PTPRG: variants seen among roughly 807,000 people sequenced by gnomAD.
PTPRG encodes the protein protein tyrosine phosphatase receptor type G.
Under a neutral mutation model 165.3 loss-of-function variants are expected in PTPRG, and 102 were observed. The ratio of observed to expected loss-of-function variants is 0.62; its 90% CI spans 0.53 to 0.73. The LOEUF (loss-of-function observed/expected upper bound fraction) is 0.73, where lower values mean the gene tolerates loss of function less well. Ranked by LOEUF, PTPRG falls within the 30% of genes least tolerant of loss-of-function variation. The pLI, the probability that PTPRG is intolerant of heterozygous loss-of-function variation, is 0.00. For synonymous variants in PTPRG, 675 were observed against 669.5 expected (o/e 1.01, Z -0.13); for missense variants, 1,866 against 1,861.4 (o/e 1.00, Z -0.05).
Position 62,195,050 on chromosome 3 carries a change from CT to C in PTPRG, c.1219-9del. The C allele has an allele frequency of 6.2e-7, 1 of 1,612,602 alleles. No individual in the cohort carries two copies. Among genetic ancestry groups the C allele is most frequent in the Non-Finnish European group, 8.5e-7 (1 of 1,178,806 alleles). ...AAAACTAACTCACTGCTTTTTCCTTCTTTACTTACAGAAAGCCACCATTAGC... is the reference window on the plus strand; with the variant it reads ...AAAACTAACTCACTGCTTTTTCCTTCTTACTTACAGAAAGCCACCATTAGC... On this transcript the variant is annotated splice_polypyrimidine_tract_variant and intron_variant, in intron 9 of 29. Coordinates refer to ENST00000474889, the MANE Select transcript of PTPRG (RefSeq NM_002841.4). This position sits in a 1 kb window ranked among gnomAD's most constrained non-coding sequence, Gnocchi z 4.4.
At chr3:61,713,124 C>T (rs1308738083) in intron 1 of PTPRG, among the ~76,000 whole-genome samples, 1 of 149,872 alleles carries the variant, frequency 6.7e-6, no homozygotes, top group East Asian at 2.0e-4. Context: ...GTTATAGGGT[C>T]TTATCAGGGT....
chr3:61,940,671 T>C (rs1159889874), intron 2 of PTPRG, among the ~76,000 whole-genome samples: 3 of 126,040 alleles, frequency 2.4e-5, no homozygotes, highest in Non-Finnish European at 5.1e-5. Flanking sequence ...ATTTATTTAT[T>C]TTTTATTTTT....
chr3:61,874,143 T>C (rs944553269), intron 2 of PTPRG, among the ~76,000 whole-genome samples: 10 of 152,126 alleles, frequency 6.6e-5, no homozygotes, highest in Admixed American at 3.3e-4. Flanking sequence ...CCTGCACCAT[T>C]TCCTCGATCC....
intron 1 of PTPRG, chr3:61,743,106 T>C: frequency 2.7e-6 from 4 of 1,477,096 alleles, no homozygotes; most frequent in Non-Finnish European, 3.8e-6. Context: ...CTGCTGCTCA[T>C]GGCTTCTCAC....
At chr3:62,186,686 C>T (rs147341065) in intron 8 of PTPRG, among the ~76,000 whole-genome samples, 1 of 151,366 alleles carries the variant, frequency 6.6e-6, no homozygotes, top group African/African-American at 2.4e-5. Context: ...CCACCTTAGC[C>T]TCCTGAGTAG....
intron 5 of PTPRG, among the ~76,000 whole-genome samples, chr3:62,115,770 C>T (rs1702843856): frequency 6.6e-6 from 1 of 151,854 alleles, no homozygotes; most frequent in Non-Finnish European, 1.5e-5. Flanking sequence ...CTCCTGGGCT[C>T]AAGGGATCCA....
intron 1 of PTPRG, among the ~76,000 whole-genome samples, chr3:61,657,832 G>C (rs913578412): frequency 1.3e-5 from 2 of 152,166 alleles, no homozygotes; most frequent in African/African-American, 2.4e-5. Flanking sequence ...GCGGAAGCTG[G>C]TTCTCTTTGT....
chr3:61,614,600 T>C (rs1701256993), intron 1 of PTPRG, among the ~76,000 whole-genome samples: 1 of 151,826 alleles, frequency 6.6e-6, no homozygotes, highest in African/African-American at 2.4e-5. Flanking sequence ...TTTTATGAGA[T>C]GGGGTTTTAG....
chr3:61,744,747 A>C (rs985017715), intron 1 of PTPRG, among the ~76,000 whole-genome samples: 1 of 152,226 alleles, frequency 6.6e-6, no homozygotes, highest in African/African-American at 2.4e-5. Flanking sequence ...GTTAAAAAAT[A>C]AAATGTGGTG....
At chr3:61,885,660 T>TCC (rs2038009554) in intron 2 of PTPRG, among the ~76,000 whole-genome samples, 1 of 23,336 alleles carries the variant, frequency 4.3e-5, no homozygotes. Context: ...TTTCCTTCTC[T>TCC]CCTCTCCTCT....
chr3:62,286,609 C>G (rs1270953968), intron 28 of PTPRG, among the ~76,000 whole-genome samples: 6 of 151,664 alleles, frequency 4.0e-5, no homozygotes, highest in Non-Finnish European at 5.9e-5. Context: ...ACTTTCATTT[C>G]TTTTGTAAAA....
intron 8 of PTPRG, among the ~76,000 whole-genome samples, chr3:62,186,801 G>A (rs1430904677): frequency 2.0e-5 from 3 of 151,846 alleles, no homozygotes; most frequent in Non-Finnish European, 4.4e-5. Context: ...TCCTGGCCTC[G>A]AGCGATCCAC....
At chr3:62,278,313 T>C (rs562084023) in intron 26 of PTPRG, among the ~76,000 whole-genome samples, 1 of 152,092 alleles carries the variant, frequency 6.6e-6, no homozygotes, top group South Asian at 2.1e-4. Flanking sequence ...GCAAGTCAGG[T>C]CTACTGCAGG....
chr3:62,042,932 A>G lies in PTPRG; in HGVS notation c.520-35231A>G, dbSNP rs548796468. On this transcript the variant is annotated intron_variant, in intron 4 of 29. Coordinates refer to ENST00000474889, the MANE Select transcript of PTPRG (RefSeq NM_002841.4). ...TTAGGGTTGTGACCTTTATCCTTTGACCCACATCTTAAAAAGGGTCAAATC... is the reference window on the plus strand; with the variant it reads ...TTAGGGTTGTGACCTTTATCCTTTGGCCCACATCTTAAAAAGGGTCAAATC... Among the ~76,000 whole-genome samples the G allele has an allele frequency of 8.5e-5, 13 of 152,264 alleles. No homozygotes were observed. The South Asian group carries it at 2.7e-3, about 32-fold the overall frequency.
chr3:62,285,527 G>C (rs1054916049), intron 28 of PTPRG, among the ~76,000 whole-genome samples: 2 of 135,484 alleles, frequency 1.5e-5, no homozygotes, highest in African/African-American at 2.8e-5. Context: ...TGGTTGTTGG[G>C]GGGGGGGGGT....
intron 1 of PTPRG, among the ~76,000 whole-genome samples, chr3:61,694,879 A>G (rs1484767718): frequency 6.6e-6 from 1 of 152,086 alleles, no homozygotes; most frequent in Admixed American, 6.6e-5. Context: ...TCTCACTCTC[A>G]CCCTCACTCT....
chr3:61,961,815 A>G (rs183632096), intron 2 of PTPRG, among the ~76,000 whole-genome samples: 7 of 152,310 alleles, frequency 4.6e-5, no homozygotes, highest in African/African-American at 1.4e-4. Flanking sequence ...TCTACAACCC[A>G]TCATCCCAAG....
At chr3:61,746,263 G>A (rs2033202505) in intron 1 of PTPRG, among the ~76,000 whole-genome samples, 1 of 140,016 alleles carries the variant, frequency 7.1e-6, no homozygotes, top group Non-Finnish European at 1.5e-5. Context: ...GTGTCTCCCA[G>A]GCTGGAGTGC....
chr3:61,679,436 C>T (rs1370589966), intron 1 of PTPRG, among the ~76,000 whole-genome samples: 5 of 152,052 alleles, frequency 3.3e-5, no homozygotes, highest in Non-Finnish European at 7.4e-5. Flanking sequence ...ACGGAATGAC[C>T]CTGGTCAGTA....
Sources: allele counts gnomAD v4.1 joint callset (sites outside exome capture counted in the v4.1 genomes callset), GRCh38; gene constraint gnomAD v4.1.1; non-coding constraint Gnocchi (gnomAD v3.1); transcripts MANE v1.5; gene names NCBI Gene and HGNC (gene_info 2026-07-23, HGNC 2026-07-21).